Variants in PRKCZ observed in about 807,000 individuals in gnomAD.
PRKCZ encodes protein kinase C zeta.
Under a neutral mutation model 79.5 loss-of-function variants are expected in PRKCZ, and 33 were observed. That is an observed-to-expected ratio of 0.41 (90% CI 0.31 to 0.55). The LOEUF is 0.55. Ranked by LOEUF, PRKCZ falls within the 20% of genes least tolerant of loss-of-function variation. PRKCZ has a pLI of 0.19. For synonymous variants in PRKCZ, 342 were observed against 320.9 expected (o/e 1.07, Z -0.70); for missense variants, 578 against 813.5 (o/e 0.71, Z 3.52).
intron 8 of PRKCZ, among the ~76,000 whole-genome samples, chr1:2,150,161 C>CAAAAA (rs750010192): frequency 6.4e-5 from 3 of 46,680 alleles, no homozygotes; most frequent in African/African-American, 1.5e-4. Flanking sequence ...GACTCCGTCT[C>CAAAAA]AAAAAAAAAA....
In PRKCZ at chr1:2,168,356, C is replaced by T. The variant is rs1003075480; in HGVS notation, c.975-1162C>T. 6.6e-6 allele frequency among the ~76,000 whole-genome samples: 1 copy of T among 152,156 alleles called. No individual in the cohort carries two copies. The highest frequency in any genetic ancestry group is 2.4e-5 in the African/African-American group (1 of 41,424). Reference sequence around the variant, plus strand: ...TTACCAGAGAATTTCCAGGCACATCCGTTGGAGGCAGGGGAGACAACAAAA... The same window carrying T: ...TTACCAGAGAATTTCCAGGCACATCTGTTGGAGGCAGGGGAGACAACAAAA... On this transcript the variant is annotated intron_variant, in intron 10 of 17. Transcript: ENST00000378567. This position sits in a 1 kb window ranked among gnomAD's most constrained non-coding sequence, Gnocchi z 4.7.
In PRKCZ at chr1:2,185,274, G is replaced by T. The variant is rs1373359874; in HGVS notation, c.*265G>T. ...GATCCGCGGGGACCCTGCCGAGGGG[G>T]CTGTCATGCGGTTTCCAAGGTGCAC... On this transcript the variant is annotated 3_prime_UTR_variant, in exon 18 of 18. Coordinates refer to ENST00000378567, the MANE Select transcript of PRKCZ (RefSeq NM_002744.6). 2 of 716,608 alleles carry T rather than the reference G, an allele frequency of 2.8e-6. No individual in the cohort carries two copies. Among genetic ancestry groups the T allele is most frequent in the Non-Finnish European group, 5.2e-6 (2 of 383,848 alleles). 44.4% of individuals were successfully genotyped at this position (716,608 alleles called of 1,614,324 possible).
chr1:2,160,238 C>CGCGTGTGTGTGT (rs71578361), intron 10 of PRKCZ, among the ~76,000 whole-genome samples: 377 of 146,464 alleles, frequency 2.6e-3, no homozygotes, highest in African/African-American at 9.3e-3. Flanking sequence ...CAGCAGTGTG[C>CGCGTGTGTGTGT]GTGTGTGTGT....
intron 4 of PRKCZ, among the ~76,000 whole-genome samples, chr1:2,071,929 A>G (rs1661629276): frequency 6.6e-6 from 1 of 152,150 alleles, no homozygotes; most frequent in Admixed American, 6.5e-5. Flanking sequence ...GTCCTAGTGA[A>G]ACTTTATGCA....
chr1:2,102,266 C>A (rs566986778), intron 4 of PRKCZ, among the ~76,000 whole-genome samples: 1 of 151,478 alleles, frequency 6.6e-6, no homozygotes, highest in South Asian at 2.1e-4. Context: ...CATTCATTTC[C>A]AGGGTCTCGT....
intron 4 of PRKCZ, among the ~76,000 whole-genome samples, chr1:2,079,485 C>T (rs560048236): frequency 9.2e-5 from 14 of 152,242 alleles, no homozygotes; most frequent in East Asian, 7.7e-4. Context: ...CCTGAAGCTG[C>T]GTGGTCAGGC....
intron 10 of PRKCZ, among the ~76,000 whole-genome samples, chr1:2,159,335 T>C (rs1202541717): frequency 6.6e-6 from 1 of 152,246 alleles, no homozygotes; most frequent in Non-Finnish European, 1.5e-5. Context: ...CCCTGGTCAC[T>C]GGAGGTGACT....
In PRKCZ at chr1:2,174,103, G is replaced by C. The variant is rs1684988234; in HGVS notation, c.1405+87G>C. The C allele has an allele frequency of 3.4e-6, 5 of 1,460,912 alleles. No homozygotes were observed. The highest frequency in any genetic ancestry group is 4.6e-6 in the Non-Finnish European group (5 of 1,095,822). 90.5% of individuals were successfully genotyped at this position (1,460,912 alleles called of 1,614,324 possible). A position where few individuals can be genotyped will look rare whatever the true frequency, so the allele number is the denominator to read the frequency against. On this transcript the variant is annotated intron_variant, in intron 14 of 17. Coordinates refer to ENST00000378567, the MANE Select transcript of PRKCZ (RefSeq NM_002744.6). The surrounding 1 kb of genome is among the most constrained non-coding windows in gnomAD (Gnocchi z 6.2). Reference sequence around the variant, plus strand: ...AGGTGCAGGTGGAGGGGTCCCGCGGGTGCCTGGAGCGGCAGTGCCATGCAA... The same window carrying C: ...AGGTGCAGGTGGAGGGGTCCCGCGGCTGCCTGGAGCGGCAGTGCCATGCAA...
chr1:2,157,522 A>G (rs572618598), intron 10 of PRKCZ, among the ~76,000 whole-genome samples: 24 of 152,098 alleles, frequency 1.6e-4, no homozygotes, highest in African/African-American at 5.8e-4. Flanking sequence ...GGTTCAAGCA[A>G]TTCTCCTGCC....
chr1:2,164,442 A>G (rs1484328630), intron 10 of PRKCZ, among the ~76,000 whole-genome samples: 2 of 152,142 alleles, frequency 1.3e-5, no homozygotes, highest in African/African-American at 2.4e-5. Context: ...TGCACAGTCC[A>G]TGTTGGGTGT....
At chr1:2,080,993 C>T (rs1211601780) in intron 4 of PRKCZ, among the ~76,000 whole-genome samples, 2 of 152,196 alleles carry the variant, frequency 1.3e-5, no homozygotes, top group Non-Finnish European at 2.9e-5. Flanking sequence ...CCACACCCTC[C>T]ACGCAGCCTG....
At chr1:2,080,485 G>T (rs976325666) in intron 4 of PRKCZ, among the ~76,000 whole-genome samples, 5 of 152,142 alleles carry the variant, frequency 3.3e-5, no homozygotes, top group African/African-American at 1.2e-4. Flanking sequence ...GTGCGACCTG[G>T]GGGCAGTTTT....
chr1:2,144,257 G>A lies in PRKCZ; in HGVS notation c.468G>A (p.Arg156=). 6.4e-7 allele frequency: 1 copy of A among 1,557,766 alleles called. No individual in the cohort carries two copies. Among genetic ancestry groups the A allele is most frequent in the Non-Finnish European group, 8.7e-7 (1 of 1,149,764 alleles). The change falls in exon 6 of 18, where the codon AGG becomes AGA. Residue 156 remains arginine (R), a synonymous_variant. Transcript: ENST00000378567. Reference sequence around the variant, plus strand: ...GCGAGAGGATATGGGGCCTCGCGAGGCAAGGCTACAGGTGCATCAACTGCA... The same window carrying A: ...GCGAGAGGATATGGGGCCTCGCGAGACAAGGCTACAGGTGCATCAACTGCA... The part of the protein sequence containing the change: ...QCSERIWGLA[R]QGYRCINCKL...
At chr1:2,074,444 G>C (rs1043693753) in intron 4 of PRKCZ, among the ~76,000 whole-genome samples, 3 of 152,180 alleles carry the variant, frequency 2.0e-5, no homozygotes, top group Non-Finnish European at 4.4e-5. Context: ...CTGTGGGTCT[G>C]TCGGGGCCAG....
chr1:2,059,802 C>G (rs1105100), intron 4 of PRKCZ, among the ~76,000 whole-genome samples: 25,165 of 152,192 alleles, frequency 0.17, 2,466 homozygotes, highest in East Asian at 0.39. Context: ...GCGGGGGACT[C>G]GCTTGGCTGG....
At chr1:2,111,152 G>C (rs991126376) in intron 4 of PRKCZ, among the ~76,000 whole-genome samples, 5 of 152,040 alleles carry the variant, frequency 3.3e-5, no homozygotes, top group Non-Finnish European at 7.4e-5. Context: ...TGGGTGCTGG[G>C]AGCTGTGGGG....
chr1:2,056,092 G>A (rs1406265493), intron 2 of PRKCZ, among the ~76,000 whole-genome samples: 4 of 152,178 alleles, frequency 2.6e-5, no homozygotes, highest in Non-Finnish European at 4.4e-5. Context: ...TAGCGCCCCC[G>A]TTGGGTTGGG....
rs141792994 is a variant in PRKCZ, at chr1:2,168,139, C to A, written c.975-1379C>A. Among the ~76,000 whole-genome samples, 357 of 152,270 alleles carry A rather than the reference C, an allele frequency of 2.3e-3. 1 individual carries two copies. Among genetic ancestry groups the A allele is most frequent in the African/African-American group, 8.1e-3 (335 of 41,556 alleles). ...TATACCGGGGATTGGCAAACTTTTT[C>A]TTGAAGGGCCCAAGAGTAGACATTT... is the stretch of plus-strand genomic sequence containing the variant. On this transcript the variant is annotated intron_variant, in intron 10 of 17. Transcript: ENST00000378567. The surrounding 1 kb of genome is among the most constrained non-coding windows in gnomAD (Gnocchi z 4.7).
intron 16 of PRKCZ, 39 bp downstream of exon 16, chr1:2,175,352 TCCCAACCCCAAATCTA>T (rs2100406957): frequency 6.7e-7 from 1 of 1,502,290 alleles, no homozygotes; most frequent in South Asian, 1.2e-5. Context: ...CCCATCCCCA[TCCCAACCCCAAATCTA>T]CCCAACCCCC....
Sources: gnomAD v4.1 joint callset for allele counts (sites outside exome capture counted in the v4.1 genomes callset) on GRCh38, gnomAD v4.1.1 for gene constraint, Gnocchi (gnomAD v3.1) non-coding constraint, MANE v1.5 for transcripts, NCBI Gene and HGNC (gene_info 2026-07-23, HGNC 2026-07-21) for gene names.